IFT122: variants seen among roughly 807,000 people sequenced by gnomAD.
IFT122 encodes the protein intraflagellar transport 122.
IFT122 carries 118 observed loss-of-function variants against 161.6 expected under a neutral mutation model. The ratio of observed to expected loss-of-function variants is 0.73; its 90% CI spans 0.63 to 0.85. IFT122 has a LOEUF of 0.85. Ranked by LOEUF, IFT122 falls within the 40% of genes least tolerant of loss-of-function variation. The pLI, the probability that IFT122 is intolerant of heterozygous loss-of-function variation, is 0.00. For missense variants in IFT122, 1,381 were observed against 1,579.6 expected, an observed-to-expected ratio of 0.87 and a Z score of 2.13; for synonymous variants, 550 against 602.4, an observed-to-expected ratio of 0.91 and a Z score of 1.27.
At chr3:129,453,188 C>T (rs1478572186) in intron 3 of IFT122, among the ~76,000 whole-genome samples, 1 of 151,998 alleles carries the variant, frequency 6.6e-6, no homozygotes, top group Non-Finnish European at 1.5e-5. Context: ...AGGGCATAGA[C>T]GGGGTATTTG....
chr3:129,477,967 C>T lies in IFT122; in HGVS notation c.1148-49C>T, dbSNP rs764871292. The T allele has an allele frequency of 2.7e-6, 4 of 1,498,576 alleles. No homozygotes were observed. The East Asian group carries it at 6.8e-5, about 25-fold the overall frequency. 92.8% of individuals were successfully genotyped at this position (1,498,576 alleles called of 1,614,324 possible). On this transcript the variant is annotated intron_variant, in intron 11 of 29. Transcript: ENST00000348417. ...TGGCTTTTAATTTCTCTGCCTTGCACCTTACATAACAACCTCTTGCTAGAA... is the reference window on the plus strand; with the variant it reads ...TGGCTTTTAATTTCTCTGCCTTGCATCTTACATAACAACCTCTTGCTAGAA...
chr3:129,481,508 G>A (rs776639270), intron 13 of IFT122, 22 bp from the exon 14 acceptor site: 11 of 1,505,334 alleles, frequency 7.3e-6, no homozygotes, highest in Non-Finnish European at 1.0e-5. Flanking sequence ...GACTGACACT[G>A]TTTTCGCTGA....
At chr3:129,469,247 C>T in intron 8 of IFT122, 95 bp from the exon 9 acceptor site, 1 of 1,127,038 alleles carries the variant, frequency 8.9e-7, no homozygotes, top group Non-Finnish European at 1.3e-6. Flanking sequence ...CAACCTGAGG[C>T]CAGGACTTCC....
Position 129,515,484 on chromosome 3 carries a change from G to A in IFT122, c.3154-4G>A, listed in dbSNP as rs1193130814. 3.8e-6 allele frequency: 5 copies of A among 1,299,158 alleles called. No homozygotes were observed. Among genetic ancestry groups the A allele is most frequent in the South Asian group, 1.2e-5 (1 of 82,604 alleles). The allele number at this position is 1,299,158 out of a possible 1,614,324, so 80.5% of individuals were successfully genotyped here. ...CCCCTCGGGAGTCCGTGGCTGTTTTGTAGGAGTTGGTGCCCTTGTGCTACC... is the reference window on the plus strand; with the variant it reads ...CCCCTCGGGAGTCCGTGGCTGTTTTATAGGAGTTGGTGCCCTTGTGCTACC... On this transcript the variant is annotated splice_polypyrimidine_tract_variant and splice_region_variant and intron_variant, in intron 25 of 29. Coordinates refer to ENST00000348417, the MANE Select transcript of IFT122 (RefSeq NM_052989.3).
chr3:129,515,534 T>A lies in IFT122; in HGVS notation c.3200T>A (p.Leu1067His), dbSNP rs2083386408. The A allele has an allele frequency of 6.3e-7, 1 of 1,587,580 alleles. No homozygotes were observed. The highest frequency in any genetic ancestry group is 1.4e-5 in the African/African-American group (1 of 73,512). Residue 1067 changes from leucine to histidine, a missense_variant, in exon 26 of 30, where the codon CTC (leucine) becomes CAC (histidine). Coordinates refer to ENST00000348417, the MANE Select transcript of IFT122 (RefSeq NM_052989.3). ...CGCTGCTCCACCAACAACCCGCTGC[T>A]CAACAACCTGGGCAACGTCTGCATC... Reference protein sequence around the residue: ...CYRCSTNNPLLNNLGNVCINC... With the variant: ...CYRCSTNNPLHNNLGNVCINC...
intron 1 of IFT122, among the ~76,000 whole-genome samples, chr3:129,442,268 G>A (rs973061380): frequency 1.3e-5 from 2 of 152,040 alleles, no homozygotes; most frequent in South Asian, 4.1e-4. Context: ...TAATTCAGAA[G>A]TCTAATAAAC....
chr3:129,476,172 G>T (rs2077922190), intron 9 of IFT122, 143 bp from the exon 10 acceptor site: 1 of 837,902 alleles, frequency 1.2e-6, no homozygotes, highest in African/African-American at 1.7e-5. Flanking sequence ...GTTCACCATG[G>T]GATGACACAG....
chr3:129,517,491 C>G lies in IFT122; in HGVS notation c.3288C>G (p.Phe1096Leu). ...SSYDVLHLVE[F>L]YLEEGITDEE... Reference sequence around the variant, plus strand: ...CAGACGTGCTACACCTGGTTGAGTTCTACCTGGAGGAAGGGATCACTGATG... The same window carrying G: ...CAGACGTGCTACACCTGGTTGAGTTGTACCTGGAGGAAGGGATCACTGATG... The change falls in exon 27 of 30, where the codon TTC (phenylalanine) becomes TTG (leucine). Residue 1096 changes from phenylalanine to leucine, a missense_variant. Physicochemically the swap from Phe to Leu is conservative, Grantham distance 22 (BLOSUM62 0). Around this residue, in one of 7 missense-constraint regions of IFT122, gnomAD observed 177 missense variants for 199.2 expected, o/e 0.89. Transcript: ENST00000348417. The G allele has an allele frequency of 1.2e-6, 2 of 1,613,916 alleles. No individual in the cohort carries two copies. The highest frequency in any genetic ancestry group is 8.5e-7 in the Non-Finnish European group (1 of 1,179,862).
Position 129,517,687 on chromosome 3 carries a change from C to T in IFT122, c.3391+93C>T, listed in dbSNP as rs748426747. 3.5e-5 allele frequency: 52 copies of T among 1,502,714 alleles called. No homozygotes were observed. The East Asian group carries it at 3.8e-4, about 11-fold the overall frequency. The allele number at this position is 1,502,714 out of a possible 1,614,324, so 93.1% of individuals were successfully genotyped here. A position where few individuals can be genotyped will look rare whatever the true frequency, so the allele number is the denominator to read the frequency against. The stretch of plus-strand genomic sequence containing the variant: ...AGGAGGGCCCAGTCCCAGGGGATCG[C>T]GGGCCATGCTGAGCCTGGCCCTGTG... On this transcript the variant is annotated intron_variant, in intron 27 of 29. Coordinates refer to ENST00000348417, the MANE Select transcript of IFT122 (RefSeq NM_052989.3).
chr3:129,462,251 A>T (rs181142420), intron 5 of IFT122, among the ~76,000 whole-genome samples: 3 of 152,388 alleles, frequency 2.0e-5, no homozygotes, highest in African/African-American at 7.2e-5. Context: ...GGCAAAATAG[A>T]ATCCCTACCC....
intron 23 of IFT122, among the ~76,000 whole-genome samples, chr3:129,510,595 G>A (rs1162740313): frequency 6.6e-6 from 1 of 152,144 alleles, no homozygotes; most frequent in East Asian, 1.9e-4. Context: ...TCCAGAGCCT[G>A]GCTCTCAGCT....
At chr3:129,510,136 T>C (rs1414709707) in intron 23 of IFT122, among the ~76,000 whole-genome samples, 1 of 152,140 alleles carries the variant, frequency 6.6e-6, no homozygotes, top group Non-Finnish European at 1.5e-5. Context: ...TCATAGCTCA[T>C]GGCAGCCTCA....
intron 17 of IFT122, among the ~76,000 whole-genome samples, chr3:129,494,461 A>G (rs1053643795): frequency 1.3e-5 from 2 of 152,196 alleles, no homozygotes; most frequent in Non-Finnish European, 2.9e-5. Flanking sequence ...TTCTGTCAGT[A>G]TGGAAGCATG....
At chr3:129,472,614 C>A (rs1577524684) in intron 9 of IFT122, among the ~76,000 whole-genome samples, 1 of 152,160 alleles carries the variant, frequency 6.6e-6, no homozygotes, top group African/African-American at 2.4e-5. Context: ...TGATATCGTT[C>A]TGTCTTTCAC....
In IFT122 at chr3:129,479,875, G is replaced by C. The variant is rs1559917878; in HGVS notation, c.1441G>C (p.Gly481Arg). 2 of 1,614,032 alleles carry C rather than the reference G, an allele frequency of 1.2e-6. No homozygotes were observed. The highest frequency in any genetic ancestry group is 1.7e-6 in the Non-Finnish European group (2 of 1,180,006). The change falls in exon 13 of 30, where the codon GGC (glycine) becomes CGC (arginine). Residue 481 changes from glycine to arginine, a missense_variant. Physicochemically the swap from Gly to Arg is moderately radical, Grantham distance 125 (BLOSUM62 -2). Around this residue, in one of 7 missense-constraint regions of IFT122, gnomAD observed 544 missense variants for 648.0 expected, o/e 0.84. Coordinates refer to ENST00000348417, the MANE Select transcript of IFT122 (RefSeq NM_052989.3). ...CATTCGTTACATCAAGGTGATCGGT[G>C]GCCCTCCTGGAAGAGAAGGCCTCTT... is the stretch of plus-strand genomic sequence containing the variant. ...SLIRYIKVIG[G>R]PPGREGLLVG... is the part of the protein sequence containing the mutation.
intron 13 of IFT122, among the ~76,000 whole-genome samples, chr3:129,480,416 T>C (rs2078504855): frequency 6.6e-6 from 1 of 152,186 alleles, no homozygotes; most frequent in African/African-American, 2.4e-5. Flanking sequence ...TACACAAAAT[T>C]CTGTGTGTGT....
chr3:129,441,331 C>G (rs1262855946), intron 1 of IFT122, among the ~76,000 whole-genome samples: 2 of 152,168 alleles, frequency 1.3e-5, no homozygotes, highest in Non-Finnish European at 1.5e-5. Context: ...GAACATCCTT[C>G]AAGGCTCACG....
intron 16 of IFT122, among the ~76,000 whole-genome samples, chr3:129,488,846 G>A (rs1273546298): frequency 6.6e-6 from 1 of 152,044 alleles, no homozygotes; most frequent in African/African-American, 2.4e-5. Flanking sequence ...GCCAACTAAG[G>A]TGGGAGAGAT....
Position 129,519,172 on chromosome 3 carries a change from A to C in IFT122, c.3457A>C (p.Lys1153Gln). The change falls in exon 28 of 30, where the codon AAG (lysine) becomes CAG (glutamine). Residue 1153 changes from lysine to glutamine, a missense_variant. Physicochemically the swap from Lys to Gln is moderately conservative, Grantham distance 53. Around this residue, in one of 7 missense-constraint regions of IFT122, gnomAD observed 177 missense variants for 199.2 expected, o/e 0.89. Transcript: ENST00000348417. ...SIGDEDPFTA[K>Q]LSFEQGGSEF... ...CGGAGATGAGGACCCGTTCACAGCT[A>C]AGCTGAGCTTTGAGGTGAGGGTGCC... 6.2e-7 allele frequency: 1 copy of C among 1,614,046 alleles called. No individual in the cohort carries two copies.
Sources: gnomAD v4.1 joint callset for allele counts (sites outside exome capture counted in the v4.1 genomes callset) on GRCh38, gnomAD v4.1.1 for gene constraint, gnomAD v4.1.1 regional missense constraint, MANE v1.5 for transcripts, NCBI Gene and HGNC (gene_info 2026-07-23, HGNC 2026-07-21) for gene names.